COLEC10: variants seen among roughly 807,000 people sequenced by gnomAD.
COLEC10 encodes collectin-10.
In COLEC10, 22 loss-of-function variants were observed where a neutral mutation model predicts 28.4. The ratio of observed to expected loss-of-function variants is 0.78; its 90% CI spans 0.55 to 1.11. The LOEUF (loss-of-function observed/expected upper bound fraction) is 1.11. Among genes scored for constraint, COLEC10 ranks in the 50% least tolerant of loss-of-function variants. COLEC10 has a pLI of 0.00. For missense variants in COLEC10, 361 were observed against 344.1 expected, an observed-to-expected ratio of 1.05 and a Z score of -0.39; for synonymous variants, 125 against 116.1, an observed-to-expected ratio of 1.08 and a Z score of -0.49.
chr8:119,082,407 C>A (rs1262051269), intron 1 of COLEC10, among the ~76,000 whole-genome samples: 3 of 152,184 alleles, frequency 2.0e-5, no homozygotes, highest in Non-Finnish European at 4.4e-5. Context: ...AAGGATGTTA[C>A]TCCTTTTATT....
chr8:119,042,180 T>C (rs1263678739), intron 2 of COLEC10, among the ~76,000 whole-genome samples: 1 of 151,660 alleles, frequency 6.6e-6, no homozygotes, highest in East Asian at 1.9e-4. Flanking sequence ...GTATTTTTAG[T>C]AGAGACGGGG....
intron 2 of COLEC10, among the ~76,000 whole-genome samples, chr8:119,046,454 A>G (rs990100950): frequency 2.6e-5 from 4 of 152,222 alleles, no homozygotes; most frequent in Non-Finnish European, 5.9e-5. Flanking sequence ...CAGTAAGACT[A>G]TGATTAATGG....
chr8:119,063,490 T>G (rs1814894634), upstream of COLEC10, among the ~76,000 whole-genome samples: 1 of 152,244 alleles, frequency 6.6e-6, no homozygotes, highest in Non-Finnish European at 1.5e-5. Context: ...AACTCTCATT[T>G]CTGCCTCAGT....
upstream of COLEC10, among the ~76,000 whole-genome samples, chr8:119,065,731 A>G (rs1814941599): frequency 1.3e-5 from 2 of 151,362 alleles, no homozygotes; most frequent in Non-Finnish European, 2.9e-5. Flanking sequence ...AGTGGTGTAC[A>G]CCTGTAATCT....
At chr8:119,067,525 T>G in intron 1 of COLEC10, 96 bp downstream of exon 1, 1 of 1,144,234 alleles carries the variant, frequency 8.7e-7, no homozygotes, top group Non-Finnish European at 1.2e-6. Flanking sequence ...TTCTCTTCTC[T>G]CCTCCCTAGT....
intron 2 of COLEC10, among the ~76,000 whole-genome samples, chr8:119,011,522 A>G (rs559593491): frequency 6.6e-6 from 1 of 150,856 alleles, no homozygotes; most frequent in East Asian, 1.9e-4. Flanking sequence ...GCTGGGTGGG[A>G]TTTGATTGAG....
intron 2 of COLEC10, among the ~76,000 whole-genome samples, chr8:119,031,452 G>A (rs901104648): frequency 4.6e-5 from 7 of 152,354 alleles, no homozygotes; most frequent in African/African-American, 1.7e-4. Flanking sequence ...GTTGGACACA[G>A]AGGAAGCCAC....
At chr8:119,080,663 T>C (rs927279288) in intron 1 of COLEC10, among the ~76,000 whole-genome samples, 5 of 152,172 alleles carry the variant, frequency 3.3e-5, no homozygotes, top group Non-Finnish European at 7.4e-5. Context: ...CTGTGCTTGT[T>C]GTAACATGTA....
chr8:118,952,624 T>C, the COLEC10 span, among the ~76,000 whole-genome samples: 3,886 of 152,330 alleles, frequency 0.026, 159 homozygotes, highest in African/African-American at 0.089. Context: ...AGAGAGAATC[T>C]GCAGAGTGAA....
upstream of COLEC10, among the ~76,000 whole-genome samples, chr8:118,994,641 G>A (rs1295253993): frequency 6.6e-6 from 1 of 152,078 alleles, no homozygotes; most frequent in South Asian, 2.1e-4. Flanking sequence ...ACTGGGATTC[G>A]AGTCTTTGTC....
the COLEC10 span, among the ~76,000 whole-genome samples, chr8:118,989,192 C>T: frequency 6.6e-6 from 1 of 152,000 alleles, no homozygotes; most frequent in Non-Finnish European, 1.5e-5. Flanking sequence ...TGCTAGAAAT[C>T]AAAAAGCAAC....
At chr8:119,072,026 A>G (rs1464182497) in intron 1 of COLEC10, among the ~76,000 whole-genome samples, 5 of 152,106 alleles carry the variant, frequency 3.3e-5, no homozygotes, top group Admixed American at 6.5e-5. Context: ...CCTAATTACA[A>G]CAGTGCCTCT....
chr8:119,091,595 G>GAGAGAGAAAGAAAGAA (rs1250359009), intron 3 of COLEC10, among the ~76,000 whole-genome samples: 145 of 138,528 alleles, frequency 1.0e-3, no homozygotes, highest in African/African-American at 3.8e-3. Context: ...GAGAGAGAGA[G>GAGAGAGAAAGAAAGAA]AGAAAGAAAG....
intron 2 of COLEC10, among the ~76,000 whole-genome samples, chr8:119,032,437 A>G (rs1814305392): frequency 6.6e-6 from 1 of 152,204 alleles, no homozygotes; most frequent in African/African-American, 2.4e-5. Context: ...CAGTCACCCA[A>G]TCAGTGTGAT....
At chr8:119,011,376 G>A (rs1813897936) in intron 2 of COLEC10, among the ~76,000 whole-genome samples, 2 of 150,872 alleles carry the variant, frequency 1.3e-5, no homozygotes, top group East Asian at 3.9e-4. Flanking sequence ...GTTTTGAGTA[G>A]TGTAGCTTTA....
At chr8:119,051,854 A>C (rs1814681754) in intron 2 of COLEC10, among the ~76,000 whole-genome samples, 1 of 152,198 alleles carries the variant, frequency 6.6e-6, no homozygotes, top group East Asian at 1.9e-4. Flanking sequence ...GCTCAGACTC[A>C]GCTTAGATTC....
intron 1 of COLEC10, chr8:119,067,839 G>T (rs143929647): frequency 8.4e-4 from 130 of 154,936 alleles, no homozygotes; most frequent in Admixed American, 4.0e-3. Flanking sequence ...TTAAGCAAAA[G>T]GTCAGTAACA....
intron 2 of COLEC10, among the ~76,000 whole-genome samples, chr8:119,037,060 T>A (rs1467078717): frequency 6.6e-6 from 1 of 152,090 alleles, no homozygotes; most frequent in African/African-American, 2.4e-5. Flanking sequence ...TTAAAAAGTG[T>A]GAAGAGCAGA....
intron 1 of COLEC10, among the ~76,000 whole-genome samples, chr8:118,998,453 A>G (rs1813630856): frequency 6.6e-6 from 1 of 152,166 alleles, no homozygotes; most frequent in Non-Finnish European, 1.5e-5. Context: ...AAGCATGATC[A>G]CTTAGGCATT....
Sources: gnomAD v4.1 joint callset for allele counts (sites outside exome capture counted in the v4.1 genomes callset) on GRCh38, gnomAD v4.1.1 for gene constraint, MANE v1.5 for transcripts, NCBI Gene and HGNC (gene_info 2026-07-23, HGNC 2026-07-21) for gene names.